CPXM2: variants seen among roughly 807,000 people sequenced by gnomAD.
The protein encoded by CPXM2 is carboxypeptidase X, M14 family member 2.
Under a neutral mutation model 86.1 loss-of-function variants are expected in CPXM2, and 66 were observed. The ratio of observed to expected loss-of-function variants is 0.77; its 90% CI spans 0.63 to 0.94. The LOEUF is 0.94. Ranked by LOEUF, CPXM2 falls within the 40% of genes least tolerant of loss-of-function variation. The pLI, the probability that CPXM2 is intolerant of heterozygous loss-of-function variation, is 0.00. For synonymous variants in CPXM2, 388 were observed against 400.2 expected (o/e 0.97, Z 0.36); for missense variants, 948 against 1,026.3 (o/e 0.92, Z 1.04).
At chr10:123,821,105 T>A (rs1269237532) in intron 4 of CPXM2, among the ~76,000 whole-genome samples, 2 of 151,982 alleles carry the variant, frequency 1.3e-5, no homozygotes, top group Non-Finnish European at 2.9e-5. Context: ...GCCACCTGGG[T>A]CCCAACAGGA....
chr10:123,820,532 T>A lies in CPXM2; in HGVS notation c.654-21333A>T, dbSNP rs923670899. ...CTCTGAGAGCTGTATGAATTCCCTA[T>A]GACTGCTGTAACAAATTATCAAAAA... On this transcript the variant is annotated intron_variant, in intron 4 of 13. Coordinates refer to ENST00000241305, the MANE Select transcript of CPXM2 (RefSeq NM_198148.3). 2.0e-5 allele frequency among the ~76,000 whole-genome samples: 3 copies of A among 152,218 alleles called. No individual in the cohort carries two copies. In the South Asian group the frequency reaches 6.2e-4, roughly 32 times the overall value.
At position 123,789,661 on chromosome 10, in the gene CPXM2, T is replaced by C. The variant is rs77750481; in HGVS notation, c.889+8315A>G. Among the ~76,000 whole-genome samples the C allele has an allele frequency of 6.8e-3, 1,030 of 152,318 alleles. 16 individuals carry two copies. Among genetic ancestry groups the C allele is most frequent in the African/African-American group, 0.023 (963 of 41,570 alleles). ...TCCCAGCAAGGCAATTTTCCTTCTATAGAAGGGTGCAATGTGCAGATGGAG... is the reference window on the plus strand; with the variant it reads ...TCCCAGCAAGGCAATTTTCCTTCTACAGAAGGGTGCAATGTGCAGATGGAG... On this transcript the variant is annotated intron_variant, in intron 6 of 13. Transcript: ENST00000241305.
chr10:123,875,885 T>G (rs2134222266), intron 2 of CPXM2, among the ~76,000 whole-genome samples: 1 of 148,992 alleles, frequency 6.7e-6, no homozygotes, highest in South Asian at 2.2e-4. Flanking sequence ...GGCGTGATCT[T>G]GGCTCACTTC....
chr10:123,914,954 T>C (rs1292690934), intron 2 of CPXM2, among the ~76,000 whole-genome samples: 1 of 152,224 alleles, frequency 6.6e-6, no homozygotes, highest in Admixed American at 6.5e-5. Context: ...CAAATGGATC[T>C]GCTTCAAACC....
chr10:123,874,093 G>A (rs531669486), intron 2 of CPXM2, among the ~76,000 whole-genome samples: 356 of 152,030 alleles, frequency 2.3e-3, no homozygotes, highest in Admixed American at 4.4e-3. Context: ...AAACTCCTGA[G>A]CTCAGGTGAT....
chr10:123,805,357 C>T (rs909813357), intron 4 of CPXM2, among the ~76,000 whole-genome samples: 1 of 152,172 alleles, frequency 6.6e-6, no homozygotes, highest in African/African-American at 2.4e-5. Flanking sequence ...AATGTTCCCT[C>T]TGAGCACTCT....
At chr10:123,889,679 C>T (rs1477080098) in intron 1 of CPXM2, among the ~76,000 whole-genome samples, 9 of 152,158 alleles carry the variant, frequency 5.9e-5, no homozygotes, top group African/African-American at 2.2e-4. Flanking sequence ...GTGGCAGGTG[C>T]AGTCTTCCTA....
intron 3 of CPXM2, among the ~76,000 whole-genome samples, chr10:123,858,229 T>A (rs1322963810): frequency 6.6e-6 from 1 of 152,242 alleles, no homozygotes; most frequent in Admixed American, 6.5e-5. Flanking sequence ...CCTAGGCTTC[T>A]CCTGCTTAAG....
At chr10:123,912,152 C>T (rs1335950280) in intron 2 of CPXM2, among the ~76,000 whole-genome samples, 2 of 152,050 alleles carry the variant, frequency 1.3e-5, no homozygotes, top group African/African-American at 2.4e-5. Flanking sequence ...AGCTGCGGAT[C>T]GGTTTCAGGT....
Position 123,754,634 on chromosome 10 carries a change from A to G in CPXM2, c.2017+29T>C. ...CTAAAAAAATGGGTATTTCTTACCA[A>G]GAGACAGTCTGCACACATTTGCAGT... On this transcript the variant is annotated intron_variant, in intron 13 of 13. Transcript: ENST00000241305. The surrounding 1 kb of genome is among the most constrained non-coding windows in gnomAD (Gnocchi z 4.0). 8.4e-7 allele frequency: 1 copy of G among 1,190,518 alleles called. No individual in the cohort carries two copies. The highest frequency in any genetic ancestry group is 1.3e-6 in the Non-Finnish European group (1 of 794,864). 73.7% of individuals were successfully genotyped at this position (1,190,518 alleles called of 1,614,324 possible). A position where few individuals can be genotyped will look rare whatever the true frequency, so the allele number is the denominator to read the frequency against.
rs907143867 is a variant in CPXM2 at position 123,754,018 on chromosome 10, G to T, written c.2017+645C>A. ...GAGTTAAATGACAGAGCTAATACAA[G>T]AAAGCTATTAAGAGAGTGGCATATA... On this transcript the variant is annotated intron_variant, in intron 13 of 13. Transcript: ENST00000241305. The surrounding 1 kb of genome is among the most constrained non-coding windows in gnomAD (Gnocchi z 4.0). Among the ~76,000 whole-genome samples the T allele has an allele frequency of 6.6e-6, 1 of 152,184 alleles. No homozygotes were observed. Among genetic ancestry groups the T allele is most frequent in the Non-Finnish European group, 1.5e-5 (1 of 68,030 alleles).
chr10:123,761,464 A>G (rs1467668755), intron 11 of CPXM2, among the ~76,000 whole-genome samples: 1 of 152,136 alleles, frequency 6.6e-6, no homozygotes, highest in Admixed American at 6.5e-5. Context: ...CAGCACCAGC[A>G]TGCTCTCCAC....
intron 2 of CPXM2, among the ~76,000 whole-genome samples, chr10:123,863,850 C>G (rs1435720010): frequency 1.3e-5 from 2 of 152,192 alleles, no homozygotes. Flanking sequence ...GCCCTTCACT[C>G]TCACCTCAGG....
At chr10:123,790,790 C>G (rs1032959026) in intron 6 of CPXM2, among the ~76,000 whole-genome samples, 1 of 151,960 alleles carries the variant, frequency 6.6e-6, no homozygotes, top group African/African-American at 2.4e-5. Flanking sequence ...GAACAGGCAC[C>G]CCATACGTAT....
intron 2 of CPXM2, among the ~76,000 whole-genome samples, chr10:123,909,571 G>A (rs76395291): frequency 0.019 from 2,968 of 152,264 alleles, 35 homozygotes; most frequent in Non-Finnish European, 0.031. Context: ...TTGCTGGGCC[G>A]TTCAAAGCCT....
intron 4 of CPXM2, among the ~76,000 whole-genome samples, chr10:123,840,202 AC>A (rs1848358937): frequency 6.6e-6 from 1 of 152,204 alleles, no homozygotes; most frequent in East Asian, 1.9e-4. Context: ...TTCTTGAGCA[AC>A]CCAACTGCCC....
At chr10:123,801,127 T>C (rs899741828) in intron 4 of CPXM2, among the ~76,000 whole-genome samples, 1 of 152,186 alleles carries the variant, frequency 6.6e-6, no homozygotes, top group Non-Finnish European at 1.5e-5. Flanking sequence ...TCATTTTGAA[T>C]TGTAGCTCCC....
In CPXM2 at chr10:123,761,901, T is replaced by C. The variant is rs375460068; in HGVS notation, c.1748A>G (p.Asn583Ser). The C allele has an allele frequency of 4.0e-5, 65 of 1,613,684 alleles. No individual in the cohort carries two copies. The highest frequency in any genetic ancestry group is 6.7e-5 in the Admixed American group (4 of 59,952). ...AGCGACGGTGTGCCAGGAGGCCCCATTGACAGTGCCCTCCTCCTTCTGGAA... is the reference window on the plus strand; with the variant it reads ...AGCGACGGTGTGCCAGGAGGCCCCACTGACAGTGCCCTCCTCCTTCTGGAA... ...EDFQKEEGTV[N>S]GASWHTVAGS... The change falls in exon 11 of 14, where the codon AAT becomes AGT. Residue 583 changes from asparagine to serine, a missense_variant. By Grantham distance (46) the Asn-to-Ser change is conservative. Transcript: ENST00000241305.
At chr10:123,889,254 G>T (rs144751673) in intron 1 of CPXM2, among the ~76,000 whole-genome samples, 3 of 151,914 alleles carry the variant, frequency 2.0e-5, no homozygotes, top group African/African-American at 7.3e-5. Context: ...TAGGAATGAT[G>T]TCCGGTCACT....
Sources: gnomAD v4.1 joint callset for allele counts (sites outside exome capture counted in the v4.1 genomes callset) on GRCh38, gnomAD v4.1.1 for gene constraint, Gnocchi (gnomAD v3.1) non-coding constraint, MANE v1.5 for transcripts, NCBI Gene and HGNC (gene_info 2026-07-23, HGNC 2026-07-21) for gene names.